Variants in VAV3 observed in about 807,000 individuals in gnomAD.
VAV3 encodes vav guanine nucleotide exchange factor 3, also known as guanine nucleotide exchange factor VAV3.
Under a neutral mutation model 131.2 loss-of-function variants are expected in VAV3, and 94 were observed. The ratio of observed to expected loss-of-function variants is 0.72; its 90% CI spans 0.61 to 0.85. The LOEUF (loss-of-function observed/expected upper bound fraction) is 0.85. Among genes scored for constraint, VAV3 ranks in the 40% least tolerant of loss-of-function variants. VAV3 has a pLI of 0.00. For missense variants in VAV3, 939 were observed against 1,002.7 expected, an observed-to-expected ratio of 0.94 and a Z score of 0.86; for synonymous variants, 349 against 342.0, an observed-to-expected ratio of 1.02 and a Z score of -0.22.
chr1:107,964,556 A>C, intron 1 of VAV3, 110 bp downstream of exon 1: 1 of 1,237,672 alleles, frequency 8.1e-7, no homozygotes, highest in Middle Eastern at 2.6e-4. Context: ...AAGGCTGGGA[A>C]GCAGGGCAAG....
chr1:107,602,001 T>TA (rs905656873), intron 24 of VAV3, among the ~76,000 whole-genome samples: 7 of 152,140 alleles, frequency 4.6e-5, no homozygotes, highest in Admixed American at 4.6e-4. Context: ...TTGCATTTTA[T>TA]AAAAAATGAA....
intron 1 of VAV3, among the ~76,000 whole-genome samples, chr1:107,942,419 T>A (rs1166150524): frequency 6.6e-6 from 1 of 152,152 alleles, no homozygotes; most frequent in African/African-American, 2.4e-5. Context: ...AGACTCTCAC[T>A]ACATCTTTAA....
intron 2 of VAV3, among the ~76,000 whole-genome samples, chr1:107,863,538 G>A (rs572213652): frequency 6.6e-6 from 1 of 152,294 alleles, no homozygotes; most frequent in South Asian, 2.1e-4. Context: ...CCCAATCTCT[G>A]CTGGACCTCA....
intron 5 of VAV3, among the ~76,000 whole-genome samples, chr1:107,770,995 T>A (rs1665009968): frequency 6.6e-6 from 1 of 152,170 alleles, no homozygotes; most frequent in African/African-American, 2.4e-5. Flanking sequence ...GTTCATAAAG[T>A]TGGAAACACC....
chr1:107,720,388 T>TAAATAAAG (rs1661416003), intron 15 of VAV3, among the ~76,000 whole-genome samples: 1 of 81,308 alleles, frequency 1.2e-5, no homozygotes, highest in Non-Finnish European at 2.4e-5. Context: ...GTCTCAAAAA[T>TAAATAAAG]AAATAAATAA....
At chr1:107,581,138 T>C (rs1014655124) in intron 25 of VAV3, among the ~76,000 whole-genome samples, 1 of 152,232 alleles carries the variant, frequency 6.6e-6, no homozygotes, top group African/African-American at 2.4e-5. Context: ...TCCACTTAGA[T>C]AATATTACAC....
chr1:107,807,112 C>T (rs76568279), intron 2 of VAV3, among the ~76,000 whole-genome samples: 22,990 of 152,054 alleles, frequency 0.15, 2,017 homozygotes, highest in East Asian at 0.29. Flanking sequence ...TACAGAAGGA[C>T]GACTGTACAT....
Position 107,875,021 on chromosome 1 carries a change from A to C in VAV3, c.205-4T>G, listed in dbSNP as rs1331641629. ...TTATGTTCTTCAAACAGAGAAACTG[A>C]GGAATGGAAAAGAGCTGTTAGCATA... is the stretch of plus-strand genomic sequence containing the variant. On this transcript the variant is annotated splice_polypyrimidine_tract_variant and splice_region_variant and intron_variant, in intron 1 of 26. Transcript: ENST00000370056. 2.5e-6 allele frequency: 4 copies of C among 1,610,770 alleles called. No individual in the cohort carries two copies. Among genetic ancestry groups the C allele is most frequent in the Admixed American group, 3.3e-5 (2 of 59,908 alleles).
intron 1 of VAV3, among the ~76,000 whole-genome samples, chr1:107,962,496 A>G (rs1250306059): frequency 6.6e-6 from 1 of 152,220 alleles, no homozygotes. Flanking sequence ...TAGGCACTAT[A>G]AGCATGTTAA....
intron 23 of VAV3, 26 bp from the exon 24 acceptor site, chr1:107,602,510 T>C (rs772177850): frequency 6.6e-7 from 1 of 1,519,012 alleles, no homozygotes; most frequent in African/African-American, 1.4e-5. Context: ...AACTTATGAA[T>C]ATAAATGTGT....
chr1:107,749,100 G>T, intron 14 of VAV3, 23 bp from the exon 15 acceptor site: 1 of 1,435,310 alleles, frequency 7.0e-7, no homozygotes. Flanking sequence ...ATATTCCTTA[G>T]ATTAATATGT....
At chr1:107,888,982 C>T (rs1435678147) in intron 1 of VAV3, among the ~76,000 whole-genome samples, 1 of 152,004 alleles carries the variant, frequency 6.6e-6, no homozygotes, top group Non-Finnish European at 1.5e-5. Context: ...AGTAACCTTC[C>T]TAAATTCACC....
At chr1:107,668,597 C>T (rs927509824) in intron 19 of VAV3, 1 of 978,494 alleles carries the variant, frequency 1.0e-6, no homozygotes, top group Non-Finnish European at 1.2e-6. Flanking sequence ...TCATGGAGTA[C>T]AATGAAATGT....
At chr1:107,611,156 G>A (rs531651607) in intron 21 of VAV3, among the ~76,000 whole-genome samples, 2 of 152,112 alleles carry the variant, frequency 1.3e-5, no homozygotes, top group Non-Finnish European at 2.9e-5. Context: ...AATCGTATGT[G>A]CTCCAATGAG....
At chr1:107,738,612 CCA>C (rs1662824493) in intron 15 of VAV3, among the ~76,000 whole-genome samples, 1 of 152,178 alleles carries the variant, frequency 6.6e-6, no homozygotes, top group Admixed American at 6.5e-5. Context: ...GCAAGGATTG[CCA>C]GTTTCCAATC....
chr1:107,616,821 T>G (rs1288772492), intron 21 of VAV3, among the ~76,000 whole-genome samples: 2 of 151,804 alleles, frequency 1.3e-5, no homozygotes, highest in Non-Finnish European at 2.9e-5. Flanking sequence ...TTAAGGAGAG[T>G]TTTTCCCCTT....
rs201515652 is a variant in VAV3, at chr1:107,765,163, G to A, written c.834C>T (p.Tyr278=). 431 of 1,612,026 alleles carry A rather than the reference G, an allele frequency of 2.7e-4. 2 individuals carry two copies. The highest frequency in any genetic ancestry group is 2.6e-3 in the Admixed American group (156 of 59,868). ...ACTCCACTCCACTGCAGTACTGCCCGTAAATAACCAATCTGAAAGGGAAAA... is the reference window on the plus strand; with the variant it reads ...ACTCCACTCCACTGCAGTACTGCCCATAAATAACCAATCTGAAAGGGAAAA... ...FINYKERLVI[Y]GQYCSGVESA... The change falls in exon 9 of 27, where the codon TAC becomes TAT. Residue 278 remains tyrosine (Y), a synonymous_variant. Coordinates refer to ENST00000370056, the MANE Select transcript of VAV3 (RefSeq NM_006113.5).
intron 2 of VAV3, among the ~76,000 whole-genome samples, chr1:107,823,927 TGATCATG>T (rs1667904850): frequency 6.6e-6 from 1 of 152,178 alleles, no homozygotes; most frequent in Non-Finnish European, 1.5e-5. Context: ...GCAAACACCT[TGATCATG>T]GACTTCTAGC....
chr1:107,602,362 G>A (rs751354243), intron 24 of VAV3, 35 bp downstream of exon 24: 3 of 1,410,330 alleles, frequency 2.1e-6, no homozygotes, highest in Non-Finnish European at 2.9e-6. Context: ...AGAAAAATAA[G>A]GATCCCAGAT....
Sources: gnomAD v4.1 joint callset for allele counts (sites outside exome capture counted in the v4.1 genomes callset) on GRCh38, gnomAD v4.1.1 for gene constraint, MANE v1.5 for transcripts, NCBI Gene and HGNC (gene_info 2026-07-23, HGNC 2026-07-21) for gene names.